The following FRMD3 variants were observed in gnomAD, a reference collection of about 807,000 sequenced individuals.
FRMD3 encodes the protein FERM domain containing 3, also known as FERM domain-containing protein 3.
Under a neutral mutation model 70.2 loss-of-function variants are expected in FRMD3, and 33 were observed. That is an observed-to-expected ratio of 0.47 (90% confidence interval 0.36 to 0.63). The LOEUF (loss-of-function observed/expected upper bound fraction) is 0.63. Among genes scored for constraint, FRMD3 ranks in the 20% least tolerant of loss-of-function variants. FRMD3 has a pLI of 0.00. For synonymous variants in FRMD3, 279 were observed against 255.9 expected, an observed-to-expected ratio of 1.09 and a Z score of -0.86; for missense variants, 632 against 711.4, an observed-to-expected ratio of 0.89 and a Z score of 1.27.
intron 1 of FRMD3, among the ~76,000 whole-genome samples, chr9:83,494,468 A>T (rs1193677553): frequency 6.6e-6 from 1 of 152,164 alleles, no homozygotes; most frequent in Non-Finnish European, 1.5e-5. Flanking sequence ...TGTTTCCCCC[A>T]CTGGCCCCCT....
chr9:83,572,682 G>A, the FRMD3 span, among the ~76,000 whole-genome samples: 1 of 152,164 alleles, frequency 6.6e-6, no homozygotes, highest in Non-Finnish European at 1.5e-5. Context: ...ACAGGCATGT[G>A]TGGCTGTGTT....
intron 1 of FRMD3, among the ~76,000 whole-genome samples, chr9:83,426,856 G>T (rs184100615): frequency 2.0e-5 from 3 of 152,322 alleles, no homozygotes; most frequent in African/African-American, 7.2e-5. Flanking sequence ...ACACCAAGGA[G>T]ATCAGGTGGT....
intron 13 of FRMD3, among the ~76,000 whole-genome samples, chr9:83,264,506 G>T (rs552711955): frequency 6.6e-6 from 1 of 152,194 alleles, no homozygotes; most frequent in Non-Finnish European, 1.5e-5. Context: ...TGTAACAAAT[G>T]TACTTCTCTT....
chr9:83,333,469 G>A (rs1157828231), intron 6 of FRMD3, among the ~76,000 whole-genome samples: 1 of 152,166 alleles, frequency 6.6e-6, no homozygotes, highest in Non-Finnish European at 1.5e-5. Flanking sequence ...CTGGCCCAGG[G>A]TCCAAGCTAC....
chr9:83,394,323 A>C (rs1825753941), intron 1 of FRMD3, among the ~76,000 whole-genome samples: 1 of 152,172 alleles, frequency 6.6e-6, no homozygotes, highest in African/African-American at 2.4e-5. Context: ...TGATATGGCA[A>C]ACTAGGATCT....
At chr9:83,463,503 G>A (rs146193782) in intron 1 of FRMD3, among the ~76,000 whole-genome samples, 121 of 152,222 alleles carry the variant, frequency 7.9e-4, no homozygotes, top group African/African-American at 2.6e-3. Flanking sequence ...CAGATCTCAC[G>A]AGAACTCACT....
intron 12 of FRMD3, among the ~76,000 whole-genome samples, chr9:83,292,924 C>T (rs539803468): frequency 2.6e-5 from 4 of 152,294 alleles, no homozygotes; most frequent in Admixed American, 6.5e-5. Context: ...GGATTACAGG[C>T]GTGAGCCACC....
chr9:83,498,039 T>C (rs973375685), intron 1 of FRMD3, among the ~76,000 whole-genome samples: 2 of 152,064 alleles, frequency 1.3e-5, no homozygotes, highest in Non-Finnish European at 2.9e-5. Context: ...TCCCAGCTCC[T>C]TGGGAGGCTG....
intron 5 of FRMD3, among the ~76,000 whole-genome samples, chr9:83,339,200 CG>C: frequency 6.6e-6 from 1 of 152,262 alleles, no homozygotes; most frequent in Non-Finnish European, 1.5e-5. Flanking sequence ...AAGACTGCAC[CG>C]GATTGCTGAC....
chr9:83,247,615 T>G lies in FRMD3; in HGVS notation c.*303A>C, dbSNP rs1832170491. ...ACTATTAGAAATGGGAAAATCTAATTCAGTCCAATGTAACATGTATTATGA... is the reference window on the plus strand; with the variant it reads ...ACTATTAGAAATGGGAAAATCTAATGCAGTCCAATGTAACATGTATTATGA... On this transcript the variant is annotated 3_prime_UTR_variant, in exon 14 of 14. Coordinates refer to ENST00000304195, the MANE Select transcript of FRMD3 (RefSeq NM_174938.6). The G allele has an allele frequency of 9.5e-7, 1 of 1,049,842 alleles. No individual in the cohort carries two copies. Among genetic ancestry groups the G allele is most frequent in the East Asian group, 7.2e-5 (1 of 13,916 alleles). The allele number at this position is 1,049,842 out of a possible 1,614,324, so 65.0% of individuals were successfully genotyped here. A position where few individuals can be genotyped will look rare whatever the true frequency, so the allele number is the denominator to read the frequency against.
At chr9:83,349,836 G>A in intron 3 of FRMD3, 79 bp from the exon 4 acceptor site, 1 of 1,083,490 alleles carries the variant, frequency 9.2e-7, no homozygotes, top group Non-Finnish European at 1.4e-6. Context: ...AGGCAGCCGT[G>A]CAGCCTGACA....
chr9:83,272,459 C>T lies in FRMD3; in HGVS notation c.1195+18144G>A, dbSNP rs555381878. ...GTGGCGTGATCCCCGCTCGCTACAA[C>T]CTCCACCTCCCAGCCGCCTGCCTTG... On this transcript the variant is annotated intron_variant, in intron 13 of 13. Transcript: ENST00000304195. Among the ~76,000 whole-genome samples the T allele has an allele frequency of 6.0e-3, 918 of 152,146 alleles. 13 individuals carry two copies. Among genetic ancestry groups the T allele is most frequent in the African/African-American group, 0.021 (852 of 41,476 alleles).
chr9:83,584,848 G>A, the FRMD3 span, among the ~76,000 whole-genome samples: 8,154 of 152,128 alleles, frequency 0.054, 738 homozygotes, highest in African/African-American at 0.19. Flanking sequence ...ATCGATAATA[G>A]GACAAATGAG....
intron 1 of FRMD3, among the ~76,000 whole-genome samples, chr9:83,502,141 G>A (rs747395269): frequency 3.9e-5 from 6 of 152,170 alleles, no homozygotes; most frequent in Non-Finnish European, 5.9e-5. Context: ...GGGAGAACAC[G>A]CAAATACCTA....
At chr9:83,576,315 A>C in the FRMD3 span, among the ~76,000 whole-genome samples, 4 of 147,396 alleles carry the variant, frequency 2.7e-5, no homozygotes, top group East Asian at 7.8e-4. Flanking sequence ...CAATAGTTGC[A>C]AAAAAAAAAA....
chr9:83,575,999 A>C, the FRMD3 span, among the ~76,000 whole-genome samples: 4 of 152,184 alleles, frequency 2.6e-5, no homozygotes, highest in Non-Finnish European at 5.9e-5. Context: ...CGGGAGGATC[A>C]CTCGAAGCCA....
intron 13 of FRMD3, among the ~76,000 whole-genome samples, chr9:83,284,894 T>C (rs1834124551): frequency 6.6e-6 from 1 of 152,108 alleles, no homozygotes; most frequent in South Asian, 2.1e-4. Flanking sequence ...CCTTGGGCTG[T>C]CAGAGACTTC....
At chr9:83,467,771 C>G (rs1342073714) in intron 1 of FRMD3, 1 of 1,451,468 alleles carries the variant, frequency 6.9e-7, no homozygotes, top group Non-Finnish European at 9.1e-7. Context: ...AGTTTGAATA[C>G]TGCATTGTTT....
chr9:83,357,011 GAAAT>G (rs1387854714), intron 3 of FRMD3, among the ~76,000 whole-genome samples: 1 of 150,644 alleles, frequency 6.6e-6, no homozygotes, highest in Non-Finnish European at 1.5e-5. Flanking sequence ...TTCCATTCCT[GAAAT>G]ACTCAATTAG....
Sources: gnomAD v4.1 joint callset for allele counts (sites outside exome capture counted in the v4.1 genomes callset) on GRCh38, gnomAD v4.1.1 for gene constraint, MANE v1.5 for transcripts, NCBI Gene and HGNC (gene_info 2026-07-23, HGNC 2026-07-21) for gene names.